The following CSMD1 variants were observed in gnomAD, a reference collection of about 807,000 sequenced individuals.
CSMD1 encodes CUB and Sushi multiple domains 1.
A neutral mutation model predicts 417.5 loss-of-function variants in CSMD1; 213 were observed. The ratio of observed to expected loss-of-function variants is 0.51; its 90% CI spans 0.46 to 0.57. CSMD1 has a LOEUF of 0.57. Ranked by LOEUF, CSMD1 falls within the 20% of genes least tolerant of loss-of-function variation. CSMD1 has a pLI of 0.00. For missense variants in CSMD1, 6,923 were observed against 4,529.7 expected, an observed-to-expected ratio of 1.53 and a Z score of -15.17; for synonymous variants, 2,862 against 1,736.8, an observed-to-expected ratio of 1.65 and a Z score of -16.11.
At chr8:4,868,699 T>A (rs1200605175) in intron 1 of CSMD1, among the ~76,000 whole-genome samples, 3 of 152,006 alleles carry the variant, frequency 2.0e-5, no homozygotes, top group African/African-American at 7.3e-5. Flanking sequence ...GGTGTCTTGG[T>A]CGAAAGTATT....
At chr8:4,228,504 C>T (rs1254965711) in intron 3 of CSMD1, among the ~76,000 whole-genome samples, 2 of 152,018 alleles carry the variant, frequency 1.3e-5, no homozygotes, top group East Asian at 1.9e-4. Flanking sequence ...TGTCTCTGGT[C>T]TTCCAGTCAA....
rs150251035 is a variant in CSMD1 at position 3,583,324 on chromosome 8, G to C, written c.1222+2812C>G. On this transcript the variant is annotated intron_variant, in intron 9 of 69. Coordinates refer to ENST00000635120, the MANE Select transcript of CSMD1 (RefSeq NM_033225.6). The stretch of plus-strand genomic sequence containing the variant: ...GGCACAGCTTTGGAACCGGGTTGTG[G>C]GTCAGAGCTGCATGGTTTTGGGGAG... 2.0e-3 allele frequency among the ~76,000 whole-genome samples: 307 copies of C among 151,922 alleles called. 1 individual carries two copies. Among genetic ancestry groups the C allele is most frequent in the African/African-American group, 6.9e-3 (284 of 41,420 alleles).
chr8:3,296,890 G>T (rs1039432017), intron 25 of CSMD1, among the ~76,000 whole-genome samples: 2 of 152,184 alleles, frequency 1.3e-5, no homozygotes, highest in East Asian at 1.9e-4. Context: ...AGATGGAGGG[G>T]TATGTAGGTA....
chr8:3,063,262 T>A (rs1812705946), intron 49 of CSMD1, among the ~76,000 whole-genome samples: 1 of 152,202 alleles, frequency 6.6e-6, no homozygotes, highest in Non-Finnish European at 1.5e-5. Context: ...TTGTCTCTGA[T>A]AATGAACAAG....
At chr8:4,188,512 T>C (rs1231047764) in intron 3 of CSMD1, among the ~76,000 whole-genome samples, 2 of 152,094 alleles carry the variant, frequency 1.3e-5, no homozygotes, top group Non-Finnish European at 2.9e-5. Context: ...AAAAGATGAC[T>C]TGCAAATAGT....
intron 1 of CSMD1, among the ~76,000 whole-genome samples, chr8:4,899,717 A>C (rs913689486): frequency 1.3e-5 from 2 of 152,198 alleles, no homozygotes; most frequent in Non-Finnish European, 2.9e-5. Flanking sequence ...TTCTAATCAT[A>C]TCTCACTGGA....
chr8:3,174,370 C>T (rs1820777477), intron 37 of CSMD1, among the ~76,000 whole-genome samples: 2 of 152,120 alleles, frequency 1.3e-5, no homozygotes, highest in African/African-American at 4.8e-5. Flanking sequence ...TGGCATTTGC[C>T]TTCAGTCCCA....
chr8:3,775,019 T>C (rs868163240), intron 5 of CSMD1, among the ~76,000 whole-genome samples: 2 of 152,208 alleles, frequency 1.3e-5, no homozygotes, highest in South Asian at 4.1e-4. Context: ...CCAAGCAGGA[T>C]ACAGGAGATT....
intron 26 of CSMD1, among the ~76,000 whole-genome samples, chr8:3,243,410 C>T (rs555609337): frequency 6.9e-6 from 1 of 145,462 alleles, no homozygotes. Context: ...GGGCTGAGTC[C>T]GAAAAGAGAG....
chr8:4,923,153 T>C (rs973005105), intron 1 of CSMD1, among the ~76,000 whole-genome samples: 4 of 152,186 alleles, frequency 2.6e-5, no homozygotes, highest in African/African-American at 9.7e-5. Flanking sequence ...AAATATATAA[T>C]ACCATCAATT....
intron 7 of CSMD1, among the ~76,000 whole-genome samples, chr8:3,656,002 A>G (rs886855568): frequency 2.0e-5 from 3 of 152,134 alleles, no homozygotes; most frequent in African/African-American, 4.8e-5. Flanking sequence ...GGTTGGTGAA[A>G]TAAGTTTTAT....
At chr8:3,319,246 T>C (rs1805984581) in intron 23 of CSMD1, among the ~76,000 whole-genome samples, 2 of 152,216 alleles carry the variant, frequency 1.3e-5, no homozygotes, top group African/African-American at 4.8e-5. Flanking sequence ...AAAAATATCT[T>C]GACTATCCCG....
chr8:4,747,026 C>T (rs1811002434), intron 1 of CSMD1, among the ~76,000 whole-genome samples: 1 of 152,134 alleles, frequency 6.6e-6, no homozygotes, highest in African/African-American at 2.4e-5. Flanking sequence ...AGAGAAGCCA[C>T]TGAGTAGGGA....
rs142235530 is a variant in CSMD1 at position 3,413,434 on chromosome 8, G to A, written c.1562-3829C>T. The stretch of plus-strand genomic sequence containing the variant: ...TTTGTTTATCCTGATGCATGGCTAC[G>A]GCTGGCCGTGGACAGAACCTGTGTT... On this transcript the variant is annotated intron_variant, in intron 12 of 69. Transcript: ENST00000635120. Among the ~76,000 whole-genome samples the A allele has an allele frequency of 3.3e-5, 5 of 152,266 alleles. No individual in the cohort carries two copies. The East Asian group carries it at 7.7e-4, about 24-fold the overall frequency.
intron 1 of CSMD1, among the ~76,000 whole-genome samples, chr8:4,832,127 T>G (rs958676437): frequency 3.3e-5 from 5 of 152,198 alleles, no homozygotes; most frequent in Non-Finnish European, 5.9e-5. Flanking sequence ...TGAACTGGCA[T>G]GTATCTCTGT....
chr8:4,348,514 G>A (rs1475105408), intron 3 of CSMD1, among the ~76,000 whole-genome samples: 2 of 151,404 alleles, frequency 1.3e-5, no homozygotes, highest in East Asian at 1.9e-4. Flanking sequence ...AGTTGTATCT[G>A]CAAAGATTTT....
chr8:3,869,656 T>C (rs910514500), intron 5 of CSMD1, among the ~76,000 whole-genome samples: 1 of 152,160 alleles, frequency 6.6e-6, no homozygotes, highest in Non-Finnish European at 1.5e-5. Flanking sequence ...TCTGCCTTTC[T>C]AGTTGCCACA....
At chr8:4,045,852 G>A (rs1798120843) in intron 3 of CSMD1, among the ~76,000 whole-genome samples, 1 of 151,968 alleles carries the variant, frequency 6.6e-6, no homozygotes, top group South Asian at 2.1e-4. Context: ...TCAGACTCTG[G>A]CACTGCATTA....
intron 1 of CSMD1, among the ~76,000 whole-genome samples, chr8:4,673,590 T>C (rs1805487077): frequency 6.6e-6 from 1 of 152,144 alleles, no homozygotes; most frequent in African/African-American, 2.4e-5. Context: ...TGGGGGAAAC[T>C]CTGGGGGCAA....
Sources: allele counts gnomAD v4.1 joint callset (sites outside exome capture counted in the v4.1 genomes callset), GRCh38; gene constraint gnomAD v4.1.1; transcripts MANE v1.5; gene names NCBI Gene and HGNC (gene_info 2026-07-23, HGNC 2026-07-21).